The following SHTN1 variants were observed in gnomAD, a reference collection of about 807,000 sequenced individuals.
SHTN1 encodes the protein shootin-1.
A neutral mutation model predicts 83.1 loss-of-function variants in SHTN1; 42 were observed. The ratio of observed to expected loss-of-function variants is 0.51; its 90% CI spans 0.39 to 0.65. SHTN1 has a LOEUF of 0.65. Among genes scored for constraint, SHTN1 ranks in the 30% least tolerant of loss-of-function variants. The pLI is 0.00. For missense variants in SHTN1, 622 were observed against 737.8 expected, an observed-to-expected ratio of 0.84 and a Z score of 1.82; for synonymous variants, 224 against 247.7, an observed-to-expected ratio of 0.90 and a Z score of 0.90.
chr10:117,106,105 G>A lies in SHTN1; in HGVS notation c.-189+20202C>T, dbSNP rs767756499. On this transcript the variant is annotated intron_variant, in intron 1 of 17. Transcript: ENST00000392901. ...AGCCTGGGCGACAGAGACAGACTCC[G>A]TCTCAAAAAGAAAAAAGATAAAAAA... Among the ~76,000 whole-genome samples the A allele has an allele frequency of 5.3e-5, 8 of 152,070 alleles. No individual in the cohort carries two copies. The South Asian group carries it at 8.3e-4, about 16-fold the overall frequency.
intron 2 of SHTN1, chr10:116,974,239 G>A (rs1850714790): frequency 1.6e-6 from 1 of 640,418 alleles, no homozygotes; most frequent in Non-Finnish European, 2.0e-6. Flanking sequence ...CTGTTAATAA[G>A]AGACTCATTT....
Position 116,927,898 on chromosome 10 carries a change from A to G in SHTN1, c.1013-7T>C, listed in dbSNP as rs1168894392. ...CGTTTCTGGAGTTCATCAACTGCAC[A>G]GAGAGCAAACATTCAGAAGAGAGCT... On this transcript the variant is annotated splice_region_variant and splice_polypyrimidine_tract_variant and intron_variant, in intron 10 of 16. Transcript: ENST00000355371. 2 of 1,612,736 alleles carry G rather than the reference A, an allele frequency of 1.2e-6. No individual in the cohort carries two copies. The highest frequency in any genetic ancestry group is 1.7e-6 in the Non-Finnish European group (2 of 1,179,358).
chr10:117,083,400 G>T (rs1054797142), intron 1 of SHTN1, among the ~76,000 whole-genome samples: 7 of 149,964 alleles, frequency 4.7e-5, no homozygotes, highest in African/African-American at 7.3e-5. Context: ...TCTGCCGAGA[G>T]ATCCGCTGTT....
At chr10:117,029,404 G>C (rs1852374675) in intron 2 of SHTN1, among the ~76,000 whole-genome samples, 2 of 152,268 alleles carry the variant, frequency 1.3e-5, no homozygotes, top group South Asian at 4.1e-4. Flanking sequence ...TATGACCTTG[G>C]GGATTGTTGA....
chr10:117,055,234 T>C (rs1254410816), intron 1 of SHTN1, among the ~76,000 whole-genome samples: 1 of 152,104 alleles, frequency 6.6e-6, no homozygotes, highest in Non-Finnish European at 1.5e-5. Flanking sequence ...CCCTGACACA[T>C]GGGGATTACA....
chr10:116,911,700 ACAC>A, intron 14 of SHTN1, 87 bp downstream of exon 14: 1 of 1,579,078 alleles, frequency 6.3e-7, no homozygotes, highest in South Asian at 1.1e-5. Flanking sequence ...GGAATAAAAC[ACAC>A]CACAAACAAT....
At position 117,094,403 on chromosome 10, in the gene SHTN1, T is replaced by C. The variant is rs144766535; in HGVS notation, c.-189+31904A>G. Among the ~76,000 whole-genome samples the C allele has an allele frequency of 2.8e-3, 434 of 152,338 alleles. 2 individuals carry two copies. The highest frequency in any genetic ancestry group is 0.01 in the African/African-American group (420 of 41,582). ...TGTCAGTTCTTCCTAGGGTTTCACCTTCCCCAGTTTTCCCCTCCTCAGGAA... is the reference window on the plus strand; with the variant it reads ...TGTCAGTTCTTCCTAGGGTTTCACCCTCCCCAGTTTTCCCCTCCTCAGGAA... On this transcript the variant is annotated intron_variant, in intron 1 of 17. Transcript: ENST00000392901.
intron 1 of SHTN1, among the ~76,000 whole-genome samples, chr10:117,074,432 C>G (rs1205116975): frequency 2.0e-5 from 3 of 152,174 alleles, no homozygotes; most frequent in African/African-American, 4.8e-5. Flanking sequence ...TTAATCTATA[C>G]TTCATGAGAC....
At chr10:116,958,938 C>G (rs951248624) in intron 4 of SHTN1, among the ~76,000 whole-genome samples, 9 of 152,164 alleles carry the variant, frequency 5.9e-5, no homozygotes, top group African/African-American at 2.4e-5. Flanking sequence ...TAGCCAGTAT[C>G]CTCACTCTGG....
intron 2 of SHTN1, among the ~76,000 whole-genome samples, chr10:116,978,215 G>T (rs927531010): frequency 3.3e-5 from 5 of 152,174 alleles, no homozygotes; most frequent in Admixed American, 6.5e-5. Context: ...CAAATTAATA[G>T]TGAAAAAGTT....
intron 16 of SHTN1, among the ~76,000 whole-genome samples, chr10:116,897,710 C>A (rs1311804421): frequency 1.3e-5 from 2 of 152,160 alleles, no homozygotes. Flanking sequence ...AATTTACACA[C>A]CAGGAAATTC....
chr10:117,049,342 A>G (rs1304383470), intron 1 of SHTN1, among the ~76,000 whole-genome samples: 2 of 152,160 alleles, frequency 1.3e-5, no homozygotes, highest in Non-Finnish European at 2.9e-5. Context: ...AAAATGGCAG[A>G]ACTTGTTGGA....
intron 5 of SHTN1, among the ~76,000 whole-genome samples, chr10:116,953,740 G>A (rs1308441389): frequency 2.1e-5 from 3 of 141,726 alleles, no homozygotes; most frequent in African/African-American, 5.1e-5. Context: ...TGATTCTCCC[G>A]CCTCAGCCTC....
At chr10:116,992,115 C>A (rs1851458466) in intron 1 of SHTN1, among the ~76,000 whole-genome samples, 3 of 151,682 alleles carry the variant, frequency 2.0e-5, no homozygotes, top group Non-Finnish European at 4.4e-5. Context: ...GCACTCCAGC[C>A]TGGGTGACAG....
At chr10:117,060,652 T>C (rs1852885467) in intron 1 of SHTN1, among the ~76,000 whole-genome samples, 1 of 152,110 alleles carries the variant, frequency 6.6e-6, no homozygotes, top group Non-Finnish European at 1.5e-5. Context: ...AAACCAGAAG[T>C]GTGTACAATA....
chr10:116,996,108 T>C (rs1851618529), intron 1 of SHTN1, among the ~76,000 whole-genome samples: 1 of 152,194 alleles, frequency 6.6e-6, no homozygotes, highest in African/African-American at 2.4e-5. Flanking sequence ...CAAAAACTTA[T>C]TTTACAAATA....
chr10:116,902,042 C>A, intron 15 of SHTN1, 85 bp from the exon 16 acceptor site: 3 of 1,265,854 alleles, frequency 2.4e-6, no homozygotes, highest in Non-Finnish European at 1.1e-6. Context: ...AGCTGAAAAT[C>A]CCTCAAGAAG....
intron 11 of SHTN1, among the ~76,000 whole-genome samples, chr10:116,925,303 C>T (rs570753105): frequency 6.6e-6 from 1 of 152,316 alleles, no homozygotes; most frequent in East Asian, 1.9e-4. Context: ...GGCTGATCCT[C>T]CCTCAACTAA....
chr10:117,073,892 C>A (rs1853119414), intron 1 of SHTN1, among the ~76,000 whole-genome samples: 1 of 152,080 alleles, frequency 6.6e-6, no homozygotes, highest in Admixed American at 6.6e-5. Context: ...AGGCACTGTC[C>A]CCCTCCAGAG....
Sources: gnomAD v4.1 joint callset for allele counts (sites outside exome capture counted in the v4.1 genomes callset) on GRCh38, gnomAD v4.1.1 for gene constraint, MANE v1.5 for transcripts, NCBI Gene and HGNC (gene_info 2026-07-23, HGNC 2026-07-21) for gene names.